DCDC1: variants seen among roughly 807,000 people sequenced by gnomAD.
DCDC1 encodes the protein doublecortin domain-containing protein 1.
A neutral mutation model predicts 178.3 loss-of-function variants in DCDC1; 200 were observed. The ratio of observed to expected loss-of-function variants is 1.12; its 90% CI spans 1.00 to 1.26. DCDC1 has a LOEUF of 1.26. Ranked by LOEUF, DCDC1 falls within the 50% of genes most tolerant of loss-of-function variation. The pLI is 0.00. For missense variants in DCDC1, 1,983 were observed against 1,749.2 expected (o/e 1.13, Z -2.38); for synonymous variants, 690 against 604.8 (o/e 1.14, Z -2.07).
intron 1 of DCDC1, among the ~76,000 whole-genome samples, chr11:31,348,463 C>A (rs1022332065): frequency 3.3e-5 from 5 of 152,150 alleles, no homozygotes; most frequent in Non-Finnish European, 7.4e-5. Context: ...GAGTTTTAGG[C>A]CATATTCCAC....
intron 21 of DCDC1, among the ~76,000 whole-genome samples, chr11:30,933,448 T>G (rs73465143): frequency 0.022 from 3,296 of 152,280 alleles, 127 homozygotes; most frequent in African/African-American, 0.073. Context: ...TCATCACTTA[T>G]GTGTTAATTA....
chr11:30,998,324 G>C (rs773928120), intron 20 of DCDC1, among the ~76,000 whole-genome samples: 4 of 151,948 alleles, frequency 2.6e-5, no homozygotes, highest in Non-Finnish European at 5.9e-5. Flanking sequence ...GTGGGGAGGG[G>C]GGAGGAAGTA....
At chr11:30,980,062 A>T (rs547111711) in intron 20 of DCDC1, among the ~76,000 whole-genome samples, 50 of 152,318 alleles carry the variant, frequency 3.3e-4, no homozygotes, top group Admixed American at 3.0e-3. Flanking sequence ...TATTGTGGAC[A>T]TCATAAAATT....
intron 9 of DCDC1, among the ~76,000 whole-genome samples, chr11:31,205,069 C>A (rs538383538): frequency 4.6e-5 from 7 of 152,282 alleles, no homozygotes; most frequent in African/African-American, 1.7e-4. Context: ...CTTAATTCAG[C>A]AGACCTGTTA....
chr11:31,110,162 T>G (rs1959111537), intron 12 of DCDC1, 98 bp downstream of exon 12: 1 of 609,324 alleles, frequency 1.6e-6, no homozygotes, highest in African/African-American at 1.8e-5. Context: ...AACAAACCAT[T>G]GATCTTCTGC....
intron 10 of DCDC1, among the ~76,000 whole-genome samples, chr11:31,134,189 C>T (rs1962824211): frequency 6.6e-6 from 1 of 152,234 alleles, no homozygotes; most frequent in Non-Finnish European, 1.5e-5. Flanking sequence ...ACTTCACTGT[C>T]TTCATAACTC....
chr11:30,987,066 G>A (rs542490436), intron 20 of DCDC1, among the ~76,000 whole-genome samples: 1 of 152,126 alleles, frequency 6.6e-6, no homozygotes, highest in Non-Finnish European at 1.5e-5. Context: ...GCCCAGGCTG[G>A]AGTGCCGTAG....
At chr11:31,159,235 G>T (rs765935473) in intron 9 of DCDC1, among the ~76,000 whole-genome samples, 21 of 152,132 alleles carry the variant, frequency 1.4e-4, no homozygotes, top group Non-Finnish European at 2.5e-4. Context: ...AGAAACAAAA[G>T]TCTGAATTGA....
At chr11:31,196,385 A>G (rs549644099) in intron 9 of DCDC1, among the ~76,000 whole-genome samples, 4 of 152,044 alleles carry the variant, frequency 2.6e-5, no homozygotes, top group African/African-American at 9.6e-5. Context: ...TTAAGGGTTT[A>G]GTTGCACAAG....
chr11:31,338,308 G>C (rs528484475), intron 1 of DCDC1, among the ~76,000 whole-genome samples: 1 of 152,218 alleles, frequency 6.6e-6, no homozygotes, highest in Non-Finnish European at 1.5e-5. Context: ...TTAGTTTATA[G>C]GTTACTAGAC....
intron 20 of DCDC1, among the ~76,000 whole-genome samples, chr11:31,045,971 C>T (rs532610108): frequency 2.0e-5 from 3 of 152,208 alleles, no homozygotes; most frequent in South Asian, 4.1e-4. Context: ...CAATCCATAG[C>T]GCTTATTTAG....
chr11:30,916,527 G>T (rs1945847911), intron 26 of DCDC1, among the ~76,000 whole-genome samples: 1 of 151,938 alleles, frequency 6.6e-6, no homozygotes, highest in Non-Finnish European at 1.5e-5. Flanking sequence ...AAACATTAGG[G>T]CATCTTAAAT....
intron 21 of DCDC1, among the ~76,000 whole-genome samples, chr11:30,943,039 G>T (rs1947763692): frequency 6.6e-6 from 1 of 152,040 alleles, no homozygotes; most frequent in Non-Finnish European, 1.5e-5. Context: ...CTGGAGTGCT[G>T]GTTCTTCTCC....
chr11:30,976,505 A>C (rs1482399881), intron 20 of DCDC1, among the ~76,000 whole-genome samples: 2 of 151,984 alleles, frequency 1.3e-5, no homozygotes, highest in Non-Finnish European at 2.9e-5. Flanking sequence ...AAATAATTCC[A>C]TGAAAAAGTG....
chr11:31,358,878 A>T lies in DCDC1; in HGVS notation c.-125+10819T>A, dbSNP rs1025092664. Among the ~76,000 whole-genome samples the T allele has an allele frequency of 6.8e-4, 104 of 152,232 alleles. 1 individual carries two copies. Among genetic ancestry groups the T allele is most frequent in the South Asian group, 2.1e-4 (1 of 4,834 alleles). ...TCAGAGAAATGCAAATCAAAACCAC[A>T]ATGAGATATCATCTCACACCAGTTA... On this transcript the variant is annotated intron_variant, in intron 1 of 38. Coordinates refer to ENST00000684477, the MANE Select transcript of DCDC1 (RefSeq NM_001387274.1).
intron 6 of DCDC1, among the ~76,000 whole-genome samples, chr11:31,297,327 A>G (rs957048031): frequency 6.6e-6 from 1 of 151,764 alleles, no homozygotes; most frequent in African/African-American, 2.4e-5. Context: ...ATCTGAATCT[A>G]CTTTGAATTT....
chr11:30,941,314 C>T (rs528377089), intron 21 of DCDC1, among the ~76,000 whole-genome samples: 17 of 152,266 alleles, frequency 1.1e-4, no homozygotes, highest in African/African-American at 3.1e-4. Context: ...GACCCTCCCA[C>T]GGCTTTCTAT....
At chr11:31,100,191 T>C (rs1958417075) in intron 15 of DCDC1, among the ~76,000 whole-genome samples, 1 of 151,968 alleles carries the variant, frequency 6.6e-6, no homozygotes, top group Non-Finnish European at 1.5e-5. Flanking sequence ...AAAAAACAAA[T>C]AACAATCTGG....
At chr11:30,909,359 T>G (rs964377307) in intron 28 of DCDC1, among the ~76,000 whole-genome samples, 2 of 152,160 alleles carry the variant, frequency 1.3e-5, no homozygotes, top group African/African-American at 4.8e-5. Context: ...TGCAATTTTT[T>G]TTCTTAACAA....
Sources: allele counts gnomAD v4.1 joint callset (sites outside exome capture counted in the v4.1 genomes callset), GRCh38; gene constraint gnomAD v4.1.1; transcripts MANE v1.5; gene names NCBI Gene and HGNC (gene_info 2026-07-23, HGNC 2026-07-21).